IL1R1: variants seen among roughly 807,000 people sequenced by gnomAD.
The protein encoded by IL1R1 is interleukin 1 receptor type 1, also known as interleukin-1 receptor type 1.
A neutral mutation model predicts 50.2 loss-of-function variants in IL1R1; 22 were observed. The observed-to-expected ratio is 0.44, with a 90% CI of 0.31 to 0.63. The LOEUF (loss-of-function observed/expected upper bound fraction) is 0.63, where lower values mean the gene tolerates loss of function less well. IL1R1 is among the 20% of genes least tolerant of loss of function. The probability of loss-of-function intolerance (pLI) is 0.07; values close to 1 mark genes in which losing one functional copy is unlikely to be tolerated. For missense variants in IL1R1, 509 were observed against 676.2 expected (o/e 0.75, Z 2.74); for synonymous variants, 251 against 236.7 (o/e 1.06, Z -0.55).
At chr2:102,164,538 G>C (rs1305221077) in intron 3 of IL1R1, among the ~76,000 whole-genome samples, 1 of 152,130 alleles carries the variant, frequency 6.6e-6, no homozygotes, top group Admixed American at 6.5e-5. Context: ...TGAAAAGGGG[G>C]TGAAGGATGT....
chr2:102,172,924 CT>C, intron 9 of IL1R1, 86 bp downstream of exon 9: 1 of 890,406 alleles, frequency 1.1e-6, no homozygotes, highest in Non-Finnish European at 1.8e-6. Flanking sequence ...ATTTCCTCTG[CT>C]TAGAACACGC....
At chr2:102,110,840 G>A (rs189750860) in intron 1 of IL1R1, among the ~76,000 whole-genome samples, 175 of 152,252 alleles carry the variant, frequency 1.1e-3, no homozygotes, top group African/African-American at 4.0e-3. Flanking sequence ...GCAGCCGCGG[G>A]AGTTGGCACA....
Position 102,098,131 on chromosome 2 carries a change from T to A in IL1R1, c.-84+27598T>A, listed in dbSNP as rs182494275. Among the ~76,000 whole-genome samples, 31 of 152,196 alleles carry A rather than the reference T, an allele frequency of 2.0e-4. No homozygotes were observed. In the East Asian group the frequency reaches 5.4e-3, roughly 27 times the overall value. On this transcript the variant is annotated intron_variant, in intron 1 of 11. Coordinates refer to the IL1R1 transcript ENST00000409929. The stretch of plus-strand genomic sequence containing the variant: ...CTTAATCTCAGGCAATCTATTAATA[T>A]TATATATCATATATAGAGTAAGGGA...
At chr2:102,107,507 G>T (rs1227828376) in intron 1 of IL1R1, among the ~76,000 whole-genome samples, 1 of 151,934 alleles carries the variant, frequency 6.6e-6, no homozygotes, top group African/African-American at 2.4e-5. Flanking sequence ...TGGGAGGAGG[G>T]GGGAGGGATA....
intron 1 of IL1R1, among the ~76,000 whole-genome samples, chr2:102,082,603 T>G (rs1186850193): frequency 2.0e-5 from 3 of 151,738 alleles, no homozygotes; most frequent in Non-Finnish European, 4.4e-5. Flanking sequence ...TTCTTGATTT[T>G]TCTTATTCAA....
intron 1 of IL1R1, among the ~76,000 whole-genome samples, chr2:102,093,853 GC>G (rs34723085): frequency 0.13 from 19,621 of 152,138 alleles, 1,323 homozygotes; most frequent in East Asian, 0.22. Flanking sequence ...GGAGACACGC[GC>G]GGGGCAGCAG....
At position 102,179,410 on chromosome 2, in the gene IL1R1, T is replaced by C. The variant is rs1026989442; in HGVS notation, c.*2651T>C. The C allele has an allele frequency of 1.3e-5, 2 of 152,328 alleles. No homozygotes were observed. Among genetic ancestry groups the C allele is most frequent in the African/African-American group, 4.8e-5 (2 of 41,440 alleles). 9.4% of individuals were successfully genotyped at this position (152,328 alleles called of 1,614,324 possible). The stretch of plus-strand genomic sequence containing the variant: ...TATTCCCCATCTTCCAAGGGTTGAA[T>C]TCTGGAGGAAGAAGACACATTCCTA... On this transcript the variant is annotated 3_prime_UTR_variant, in exon 12 of 12. Transcript: ENST00000410023.
rs1366940584 is a variant in IL1R1, at chr2:102,087,321, C to A, written c.-84+16788C>A. Among the ~76,000 whole-genome samples the A allele has an allele frequency of 3.3e-5, 5 of 152,274 alleles. No homozygotes were observed. In the South Asian group the frequency reaches 8.3e-4, roughly 25 times the overall value. The stretch of plus-strand genomic sequence containing the variant: ...TTTCTTAAAATAAGACAACAATTAA[C>A]CATGCCACAGCGATCAACTCTTCTC... On this transcript the variant is annotated intron_variant, in intron 1 of 11. Coordinates refer to the IL1R1 transcript ENST00000409929.
At chr2:102,113,434 A>G (rs1432883072) in intron 1 of IL1R1, among the ~76,000 whole-genome samples, 2 of 152,248 alleles carry the variant, frequency 1.3e-5, no homozygotes, top group African/African-American at 4.8e-5. Flanking sequence ...TTTGGTGACC[A>G]GAGCTGCTCA....
chr2:102,140,473 C>T (rs1682582091), upstream of IL1R1, among the ~76,000 whole-genome samples: 4 of 152,162 alleles, frequency 2.6e-5, no homozygotes, highest in African/African-American at 4.8e-5. Context: ...GGAGACACCC[C>T]GGAAGGTGTC....
chr2:102,172,588 A>G, intron 8 of IL1R1, 99 bp from the exon 9 acceptor site: 1 of 1,132,974 alleles, frequency 8.8e-7, no homozygotes, highest in Non-Finnish European at 1.2e-6. Context: ...TTTCAGTGGC[A>G]ATTTTGTCAC....
At chr2:102,115,909 T>G (rs1030022) in intron 1 of IL1R1, among the ~76,000 whole-genome samples, 60,220 of 152,056 alleles carry the variant, frequency 0.4, 13,330 homozygotes, top group African/African-American at 0.61. Flanking sequence ...TGGAATGCTA[T>G]ACTGAGTGGT....
At position 102,119,532 on chromosome 2, in the gene IL1R1, A is replaced by G. The variant is rs115065533; in HGVS notation, c.-84+14660A>G. Among the ~76,000 whole-genome samples the G allele has an allele frequency of 7.6e-3, 1,160 of 152,366 alleles. 12 individuals carry two copies. Among genetic ancestry groups the G allele is most frequent in the African/African-American group, 0.027 (1,106 of 41,592 alleles). ...AGGATCCCTGATCCACTTGGTGCTC[A>G]GTGGCTTTCTCAGCCTAACAGGGAC... On this transcript the variant is annotated intron_variant, in intron 1 of 10. Coordinates refer to the IL1R1 transcript ENST00000409329.
At chr2:102,167,435 G>A (rs982543438) in intron 6 of IL1R1, among the ~76,000 whole-genome samples, 1 of 141,374 alleles carries the variant, frequency 7.1e-6, no homozygotes, top group Non-Finnish European at 1.5e-5. Context: ...TTTAAGCTAG[G>A]TTAAGTGTTT....
intron 7 of IL1R1, among the ~76,000 whole-genome samples, chr2:102,168,961 C>G (rs1388995955): frequency 6.6e-6 from 1 of 150,848 alleles, no homozygotes; most frequent in Non-Finnish European, 1.5e-5. Flanking sequence ...TTGACTGGTA[C>G]AGGATTGGAT....
At chr2:102,140,811 C>T (rs1295826551), upstream of IL1R1, among the ~76,000 whole-genome samples, 1 of 152,000 alleles carries the variant, frequency 6.6e-6, no homozygotes, top group East Asian at 1.9e-4. Context: ...CTTGAAGGTC[C>T]CAGATAGAAC....
intron 1 of IL1R1, among the ~76,000 whole-genome samples, chr2:102,081,672 G>A (rs1035777835): frequency 6.6e-6 from 1 of 152,200 alleles, no homozygotes; most frequent in Non-Finnish European, 1.5e-5. Context: ...AGGCGAAGGC[G>A]AATTAGGCCT....
At chr2:102,101,394 C>T (rs1680134180), upstream of IL1R1, among the ~76,000 whole-genome samples, 1 of 152,180 alleles carries the variant, frequency 6.6e-6, no homozygotes, top group Non-Finnish European at 1.5e-5. Flanking sequence ...AATTGCTGGA[C>T]TTAGGAAAGC....
At chr2:102,088,596 T>G (rs567454731) in intron 1 of IL1R1, among the ~76,000 whole-genome samples, 4 of 152,198 alleles carry the variant, frequency 2.6e-5, no homozygotes, top group African/African-American at 9.7e-5. Flanking sequence ...CAACTTAAAG[T>G]CACCAGCTTT....
Sources: allele counts gnomAD v4.1 joint callset (sites outside exome capture counted in the v4.1 genomes callset), GRCh38; gene constraint gnomAD v4.1.1; transcripts MANE v1.5; gene names NCBI Gene and HGNC (gene_info 2026-07-23, HGNC 2026-07-21).